Variants in LRRC8B observed in about 807,000 individuals in gnomAD.
LRRC8B encodes volume-regulated anion channel subunit LRRC8B.
LRRC8B carries 23 observed loss-of-function variants against 58.8 expected under a neutral mutation model. The observed-to-expected ratio is 0.39, with a 90% confidence interval of 0.28 to 0.55. The LOEUF (loss-of-function observed/expected upper bound fraction) is 0.55, where lower values mean the gene tolerates loss of function less well. Ranked by LOEUF, LRRC8B falls within the 20% of genes least tolerant of loss-of-function variation. LRRC8B has a pLI of 0.62. For synonymous variants in LRRC8B, 359 were observed against 374.1 expected (o/e 0.96, Z 0.47); for missense variants, 694 against 936.0 (o/e 0.74, Z 3.37).
chr1:89,535,159 C>T (rs1269971985), intron 1 of LRRC8B, among the ~76,000 whole-genome samples: 1 of 152,092 alleles, frequency 6.6e-6, no homozygotes, highest in Non-Finnish European at 1.5e-5. Flanking sequence ...TCCTCTTAGG[C>T]AGGGTTAATT....
rs970346383 is a variant in LRRC8B, at chr1:89,569,797, A to C, written c.-125+1304A>C. On this transcript the variant is annotated intron_variant, in intron 3 of 5. Transcript: ENST00000330947. The stretch of plus-strand genomic sequence containing the variant: ...GTCATGGGGGTTTGTGGTACATATT[A>C]TTTTATCAACCAGGGATTAAGCTGA... 6.5e-4 allele frequency among the ~76,000 whole-genome samples: 99 copies of C among 152,034 alleles called. 1 individual carries two copies. The highest frequency in any genetic ancestry group is 2.3e-3 in the African/African-American group (96 of 41,456).
chr1:89,546,254 T>C (rs557820069), intron 1 of LRRC8B, among the ~76,000 whole-genome samples: 1 of 152,250 alleles, frequency 6.6e-6, no homozygotes, highest in African/African-American at 2.4e-5. Flanking sequence ...TAGTAGGCAC[T>C]GGTTCATTGG....
intron 1 of LRRC8B, among the ~76,000 whole-genome samples, chr1:89,543,857 G>A (rs1178159283): frequency 6.7e-6 from 1 of 150,278 alleles, no homozygotes; most frequent in African/African-American, 2.5e-5. Flanking sequence ...GCACTGTCAT[G>A]GCTCACTCCA....
intron 1 of LRRC8B, among the ~76,000 whole-genome samples, chr1:89,558,190 C>T (rs1476750156): frequency 6.6e-6 from 1 of 152,140 alleles, no homozygotes; most frequent in Non-Finnish European, 1.5e-5. Flanking sequence ...GTCATGTTTG[C>T]ACTGTTGTCA....
chr1:89,567,654 T>C (rs1157203247), intron 1 of LRRC8B, among the ~76,000 whole-genome samples: 1 of 152,160 alleles, frequency 6.6e-6, no homozygotes, highest in Non-Finnish European at 1.5e-5. Context: ...GTATAAACTT[T>C]CTGAGAAATA....
intron 1 of LRRC8B, among the ~76,000 whole-genome samples, chr1:89,536,423 A>G (rs1281147255): frequency 2.0e-5 from 3 of 152,214 alleles, no homozygotes; most frequent in African/African-American, 7.2e-5. Context: ...GATAGTATGA[A>G]GATTGAGATA....
chr1:89,582,411 TC>T (rs1348211083), intron 4 of LRRC8B, among the ~76,000 whole-genome samples: 1 of 152,112 alleles, frequency 6.6e-6, no homozygotes, highest in East Asian at 1.9e-4. Flanking sequence ...CACTAAATGG[TC>T]CCCCATCTAA....
At chr1:89,557,229 T>C (rs1251274649) in intron 1 of LRRC8B, among the ~76,000 whole-genome samples, 1 of 152,194 alleles carries the variant, frequency 6.6e-6, no homozygotes, top group African/African-American at 2.4e-5. Context: ...AGCGTTCTTT[T>C]TGACTTCACA....
intron 1 of LRRC8B, among the ~76,000 whole-genome samples, chr1:89,530,000 G>C (rs971891162): frequency 2.0e-5 from 3 of 151,594 alleles, no homozygotes; most frequent in African/African-American, 7.3e-5. Context: ...GGGAGGACAG[G>C]TGAATCACTC....
At position 89,584,595 on chromosome 1, in the gene LRRC8B, C is replaced by T; in HGVS notation, c.1945C>T (p.Pro649Ser). ...GTGGCACAATAACATTGCTTATATT[C>T]CTGCACAGATTGGGGCATTATCTAA... The part of the protein sequence containing the change: ...KLWHNNIAYI[P>S]AQIGALSNLE... Residue 649 changes from proline to serine, a missense_variant, in exon 5 of 6, where the codon CCT (proline) becomes TCT (serine). Around this residue, in one of 5 missense-constraint regions of LRRC8B, gnomAD observed 53 missense variants for 112.3 expected, o/e 0.47. Transcript: ENST00000330947. 6.2e-7 allele frequency: 1 copy of T among 1,614,138 alleles called. No individual in the cohort carries two copies. The highest frequency in any genetic ancestry group is 8.5e-7 in the Non-Finnish European group (1 of 1,180,024).
intron 1 of LRRC8B, among the ~76,000 whole-genome samples, chr1:89,556,112 C>G (rs1423120626): frequency 6.6e-6 from 1 of 152,108 alleles, no homozygotes; most frequent in Non-Finnish European, 1.5e-5. Flanking sequence ...GGGAGAGGGA[C>G]TGGAGATTTT....
chr1:89,575,005 A>G (rs1230977723), intron 3 of LRRC8B, among the ~76,000 whole-genome samples: 4 of 152,200 alleles, frequency 2.6e-5, no homozygotes, highest in Non-Finnish European at 5.9e-5. Context: ...AGCATTCTGG[A>G]ACTGATTTAG....
intron 1 of LRRC8B, among the ~76,000 whole-genome samples, chr1:89,527,766 T>C (rs1196246769): frequency 6.6e-6 from 1 of 152,254 alleles, no homozygotes; most frequent in Non-Finnish European, 1.5e-5. Context: ...TCATTAAGGT[T>C]GATCTTAAGT....
intron 3 of LRRC8B, among the ~76,000 whole-genome samples, chr1:89,578,915 TAAAC>T (rs1229530236): frequency 3.9e-5 from 6 of 152,218 alleles, no homozygotes; most frequent in Admixed American, 6.5e-5. Flanking sequence ...AACTCTAAAT[TAAAC>T]AAATCTAATA....
chr1:89,554,573 T>C (rs767454967), intron 1 of LRRC8B, among the ~76,000 whole-genome samples: 4 of 152,138 alleles, frequency 2.6e-5, no homozygotes, highest in Admixed American at 6.6e-5. Flanking sequence ...TTCATCATGA[T>C]TGTCGAGTAC....
At chr1:89,546,422 C>A (rs956562087) in intron 1 of LRRC8B, among the ~76,000 whole-genome samples, 3 of 152,108 alleles carry the variant, frequency 2.0e-5, no homozygotes, top group Admixed American at 2.0e-4. Context: ...TTAAAGAGGA[C>A]TTTTTGCGAA....
intron 1 of LRRC8B, among the ~76,000 whole-genome samples, chr1:89,547,914 T>C (rs759796354): frequency 6.6e-6 from 1 of 152,218 alleles, no homozygotes; most frequent in Admixed American, 6.5e-5. Flanking sequence ...AGAAGGCTAC[T>C]TGCAGCTACA....
At chr1:89,549,908 T>C (rs1182208577) in intron 1 of LRRC8B, 1 of 152,172 alleles carries the variant, frequency 6.6e-6, no homozygotes, top group Non-Finnish European at 1.5e-5. Context: ...TTTTTTCCTC[T>C]CCCTAGGGCT....
chr1:89,556,910 G>C (rs183322017), intron 1 of LRRC8B, among the ~76,000 whole-genome samples: 2 of 152,282 alleles, frequency 1.3e-5, no homozygotes, highest in Admixed American at 6.5e-5. Context: ...TGGAAAATAG[G>C]AGCTGGAACA....
Sources: gnomAD v4.1 joint callset for allele counts (sites outside exome capture counted in the v4.1 genomes callset) on GRCh38, gnomAD v4.1.1 for gene constraint, gnomAD v4.1.1 regional missense constraint, MANE v1.5 for transcripts, NCBI Gene and HGNC (gene_info 2026-07-23, HGNC 2026-07-21) for gene names.